The following MSRA variants were observed in gnomAD, a reference collection of about 807,000 sequenced individuals.
MSRA encodes the protein mitochondrial peptide methionine sulfoxide reductase.
In MSRA, 54 loss-of-function variants were observed where a neutral mutation model predicts 31.3. The observed-to-expected ratio is 1.73, with a 90% CI of 1.39 to 2.17. The LOEUF is 2.17. MSRA is among the 30% of genes most tolerant of loss of function. The pLI is 0.00. For synonymous variants in MSRA, 169 were observed against 116.5 expected (o/e 1.45, Z -2.90); for missense variants, 507 against 300.9 (o/e 1.69, Z -5.07).
intron 2 of MSRA, among the ~76,000 whole-genome samples, chr8:10,236,726 A>G (rs1473244954): frequency 1.3e-5 from 2 of 152,088 alleles, no homozygotes; most frequent in Non-Finnish European, 1.5e-5. Context: ...TGTATTTTTT[A>G]GTAGAGATGG....
intron 3 of MSRA, among the ~76,000 whole-genome samples, chr8:10,249,378 G>A (rs375033592): frequency 2.0e-5 from 3 of 152,182 alleles, no homozygotes; most frequent in Non-Finnish European, 4.4e-5. Flanking sequence ...GACAAAAACA[G>A]AGTTTTGGTC....
At chr8:10,107,308 A>C (rs1339345235) in intron 1 of MSRA, among the ~76,000 whole-genome samples, 1 of 152,096 alleles carries the variant, frequency 6.6e-6, no homozygotes, top group Non-Finnish European at 1.5e-5. Context: ...CACTCTGAAA[A>C]ATAAACACTC....
At chr8:10,384,222 C>G (rs987018494) in intron 5 of MSRA, among the ~76,000 whole-genome samples, 19 of 152,166 alleles carry the variant, frequency 1.2e-4, no homozygotes, top group Non-Finnish European at 2.5e-4. Flanking sequence ...GGAGAAATAG[C>G]AACCACCTGC....
chr8:10,217,691 G>A (rs59258599), intron 2 of MSRA, among the ~76,000 whole-genome samples: 28,784 of 151,884 alleles, frequency 0.19, 3,225 homozygotes, highest in African/African-American at 0.3. Flanking sequence ...GATCTCAGCT[G>A]CCCTATCAAC....
intron 5 of MSRA, among the ~76,000 whole-genome samples, chr8:10,388,531 G>A (rs1049965523): frequency 1.3e-5 from 2 of 152,142 alleles, no homozygotes; most frequent in Non-Finnish European, 2.9e-5. Context: ...TCTCCTGCGT[G>A]AGCTTCGAAA....
intron 1 of MSRA, 92 bp from the exon 2 acceptor site, chr8:10,207,741 G>A (rs771968822): frequency 5.6e-5 from 67 of 1,195,150 alleles, no homozygotes; most frequent in Non-Finnish European, 7.1e-5. Flanking sequence ...TAACTCAAAG[G>A]AGAAATAGGC....
At chr8:10,155,939 C>T (rs543123857) in intron 1 of MSRA, among the ~76,000 whole-genome samples, 37 of 152,214 alleles carry the variant, frequency 2.4e-4, no homozygotes, top group African/African-American at 8.7e-4. Context: ...GGATGAGAGG[C>T]TGTTGATGTT....
At chr8:10,248,480 G>C (rs969321735) in intron 3 of MSRA, among the ~76,000 whole-genome samples, 1 of 152,140 alleles carries the variant, frequency 6.6e-6, no homozygotes, top group Non-Finnish European at 1.5e-5. Context: ...ACACAGGTGG[G>C]TGAACACAGG....
chr8:10,181,444 A>T (rs758502740), intron 1 of MSRA, among the ~76,000 whole-genome samples: 31 of 113,178 alleles, frequency 2.7e-4, no homozygotes, highest in African/African-American at 1.3e-3. Context: ...TAATAAAATT[A>T]AAAAAAAAAA....
chr8:10,419,409 T>C (rs1808678690), intron 5 of MSRA, among the ~76,000 whole-genome samples: 1 of 152,108 alleles, frequency 6.6e-6, no homozygotes, highest in African/African-American at 2.4e-5. Flanking sequence ...TCCTGGTGGG[T>C]AAAGTGAATT....
chr8:10,211,047 A>T (rs187661435), intron 2 of MSRA, among the ~76,000 whole-genome samples: 1 of 152,186 alleles, frequency 6.6e-6, no homozygotes, highest in Middle Eastern at 3.4e-3. Context: ...CAATGTCGTT[A>T]TCTGTTGGTT....
intron 1 of MSRA, among the ~76,000 whole-genome samples, chr8:10,055,553 C>T (rs921957998): frequency 2.0e-5 from 3 of 152,224 alleles, no homozygotes; most frequent in African/African-American, 7.2e-5. Flanking sequence ...GAATCGGAGA[C>T]TCTGGGGGTG....
chr8:10,396,915 A>T (rs1401226376), intron 5 of MSRA, among the ~76,000 whole-genome samples: 1 of 152,162 alleles, frequency 6.6e-6, no homozygotes, highest in Non-Finnish European at 1.5e-5. Context: ...CCAAGGCATG[A>T]CCTCTTGGGT....
At chr8:10,153,743 C>G (rs1329857379) in intron 1 of MSRA, among the ~76,000 whole-genome samples, 2 of 152,104 alleles carry the variant, frequency 1.3e-5, no homozygotes, top group African/African-American at 4.8e-5. Context: ...TTCGCTATCA[C>G]GTTAAGAAAT....
Position 10,351,235 on chromosome 8 carries a change from C to G in MSRA, c.543+31246C>G, listed in dbSNP as rs537959990. On this transcript the variant is annotated intron_variant, in intron 5 of 5. Transcript: ENST00000317173. ...GTAATGAATGATGGTTGTTTTTGCT[C>G]TGAAGGAGACTTTTTTTTTTTTTTT... 2.3e-5 allele frequency among the ~76,000 whole-genome samples: 3 copies of G among 130,582 alleles called. No homozygotes were observed. The Admixed American group carries it at 2.4e-4, about 10-fold the overall frequency. The allele number at this position is 130,582 out of a possible 152,430, so 85.7% of individuals were successfully genotyped here.
chr8:10,301,261 C>T (rs1800828644), intron 3 of MSRA, among the ~76,000 whole-genome samples: 2 of 152,246 alleles, frequency 1.3e-5, no homozygotes, highest in South Asian at 2.1e-4. Flanking sequence ...TGAAAACCCA[C>T]GTTTGTTTTT....
rs1798686736 is a variant in MSRA, at chr8:10,265,256, G to A, written c.331+20033G>A. Among the ~76,000 whole-genome samples the A allele has an allele frequency of 1.3e-5, 2 of 152,188 alleles. 1 individual carries two copies. Among genetic ancestry groups the A allele is most frequent in the South Asian group, 4.1e-4 (2 of 4,824 alleles). ...GTGATGGGGAGAGAAGAGGGAGGCAGAGGACACAGTCCAGCCTGGAGCAGA... is the reference window on the plus strand; with the variant it reads ...GTGATGGGGAGAGAAGAGGGAGGCAAAGGACACAGTCCAGCCTGGAGCAGA... On this transcript the variant is annotated intron_variant, in intron 3 of 5. Coordinates refer to ENST00000317173, the MANE Select transcript of MSRA (RefSeq NM_012331.5).
At chr8:10,223,689 T>C (rs1171624480) in intron 2 of MSRA, among the ~76,000 whole-genome samples, 1 of 152,246 alleles carries the variant, frequency 6.6e-6, no homozygotes, top group African/African-American at 2.4e-5. Flanking sequence ...ACAGAAAATG[T>C]ATTTGAGGAA....
In MSRA at chr8:10,388,766, T is replaced by C. The variant is rs115982255; in HGVS notation, c.544-39382T>C. ...ACGTTTGGAGCCAGATAATTCCGTG[T>C]TGGGGGAGGGGAAGCTGTTCTACGC... On this transcript the variant is annotated intron_variant, in intron 5 of 5. Coordinates refer to ENST00000317173, the MANE Select transcript of MSRA (RefSeq NM_012331.5). 3.6e-3 allele frequency among the ~76,000 whole-genome samples: 554 copies of C among 152,076 alleles called. 3 individuals are homozygous for C. Among genetic ancestry groups the C allele is most frequent in the African/African-American group, 0.013 (524 of 41,460 alleles).
Sources: allele counts gnomAD v4.1 joint callset (sites outside exome capture counted in the v4.1 genomes callset), GRCh38; gene constraint gnomAD v4.1.1; transcripts MANE v1.5; gene names NCBI Gene and HGNC (gene_info 2026-07-23, HGNC 2026-07-21).